The following WDR74 variants were observed in gnomAD, a reference collection of about 807,000 sequenced individuals.
The protein encoded by WDR74 is WD repeat domain 74, also known as WD repeat-containing protein 74.
Under a neutral mutation model 45.6 loss-of-function variants are expected in WDR74, and 31 were observed. The observed-to-expected ratio is 0.68, with a 90% CI of 0.51 to 0.92. WDR74 has a LOEUF of 0.92. WDR74 is among the 40% of genes least tolerant of loss of function. The probability of loss-of-function intolerance (pLI) is 0.00; values close to 1 mark genes in which losing one functional copy is unlikely to be tolerated. For synonymous variants in WDR74, 191 were observed against 192.4 expected (o/e 0.99, Z 0.06); for missense variants, 455 against 497.2 (o/e 0.92, Z 0.81).
At chr11:62,839,679 A>G, upstream of WDR74, 3 of 1,338,220 alleles carry the variant, frequency 2.2e-6, no homozygotes, top group Non-Finnish European at 3.0e-6. Flanking sequence ...TGAAGAGCCG[A>G]AACAGTAAAG....
chr11:62,839,655 A>G, upstream of WDR74: 1 of 1,482,438 alleles, frequency 6.7e-7, no homozygotes, highest in East Asian at 2.3e-5. Flanking sequence ...AGCGCAGTGT[A>G]GTTGCTGGAA....
upstream of WDR74, among the ~76,000 whole-genome samples, chr11:62,841,222 C>T (rs1220865837): frequency 6.6e-6 from 1 of 152,150 alleles, no homozygotes; most frequent in Non-Finnish European, 1.5e-5. Flanking sequence ...GAGGCTGATG[C>T]AGGAGAATCG....
At chr11:62,839,451 A>C in intron 1 of WDR74, 23 bp from the exon 2 acceptor site, 1 of 1,613,418 alleles carries the variant, frequency 6.2e-7, no homozygotes, top group Non-Finnish European at 8.5e-7. Context: ...GGCGTCAGTC[A>C]CGCCAGGGGC....
At chr11:62,835,872 C>T (rs2084951883) in intron 4 of WDR74, 31 bp from the exon 5 acceptor site, 2 of 1,597,990 alleles carry the variant, frequency 1.3e-6, no homozygotes, top group South Asian at 2.3e-5. Flanking sequence ...GAGTCCGTTC[C>T]AGAGTCCTTA....
intron 10 of WDR74, among the ~76,000 whole-genome samples, chr11:62,833,394 G>A (rs762160881): frequency 5.9e-5 from 9 of 151,432 alleles, no homozygotes; most frequent in Non-Finnish European, 1.2e-4. Flanking sequence ...ATCCCTCTGG[G>A]TACCACCACC....
In WDR74 at chr11:62,835,532, C is replaced by G; in HGVS notation, c.517G>C (p.Val173Leu). ...CGCAAGTCCAGCCAGTCATTCCGCACCTGGTGGGGTGGGCAGATGGAGGAC... is the reference window on the plus strand; with the variant it reads ...CGCAAGTCCAGCCAGTCATTCCGCAGCTGGTGGGGTGGGCAGATGGAGGAC... The part of the protein sequence containing the change: ...SEEPVFRAKN[V>L]RNDWLDLRVP... The change falls in exon 6 of 11, where the codon GTG (valine) becomes CTG (leucine). Residue 173 changes from valine to leucine, a missense_variant and splice_region_variant. Transcript: ENST00000278856. The G allele has an allele frequency of 6.2e-7, 1 of 1,613,920 alleles. No individual in the cohort carries two copies. Among genetic ancestry groups the G allele is most frequent in the Non-Finnish European group, 8.5e-7 (1 of 1,179,840 alleles).
Position 62,835,493 on chromosome 11 carries a change from C to A in WDR74, c.556G>T (p.Asp186Tyr). The change falls in exon 6 of 11, where the codon GAC (aspartate) becomes TAC (tyrosine). Residue 186 changes from aspartate (D) to tyrosine (Y), a missense_variant. Physicochemically the swap from Asp to Tyr is radical, Grantham distance 160. Coordinates refer to ENST00000278856, the MANE Select transcript of WDR74 (RefSeq NM_001369450.1). ...CCTGGGAGAAACTGTATGTCCTGGTCCCAGATGGGAACCCGCAAGTCCAGC... is the reference window on the plus strand; with the variant it reads ...CCTGGGAGAAACTGTATGTCCTGGTACCAGATGGGAACCCGCAAGTCCAGC... Reference protein sequence around the residue: ...DWLDLRVPIWDQDIQFLPGSQ... With the variant: ...DWLDLRVPIWYQDIQFLPGSQ... 6.2e-7 allele frequency: 1 copy of A among 1,613,932 alleles called. No individual in the cohort carries two copies.
chr11:62,834,496 C>T lies in WDR74; in HGVS notation c.650G>A (p.Arg217His), dbSNP rs200001030. Residue 217 changes from arginine to histidine, a missense_variant, in exon 7 of 11, where the codon CGC (arginine) becomes CAC (histidine). Coordinates refer to ENST00000278856, the MANE Select transcript of WDR74 (RefSeq NM_001369450.1). ...ATAGGTGGTCTCTAGGACTGGCCGG[C>T]GCTGGGGGGATGCTGGATCATAAAC... Reference protein sequence around the residue: ...VRVYDPASPQRRPVLETTYGE... With the variant: ...VRVYDPASPQHRPVLETTYGE... 3.1e-5 allele frequency: 50 copies of T among 1,609,574 alleles called. No individual in the cohort carries two copies. In the East Asian group the frequency reaches 9.4e-4, roughly 30 times the overall value.
Position 62,839,235 on chromosome 11 carries a change from T to C in WDR74, c.172A>G (p.Met58Val), listed in dbSNP as rs199550021. ...LCWGTGGETQ[M>V]LVGCADRTVK... ...GTCCTGTCCGCGCAGCCCACCAGCA[T>C]CTGCGGCAAAGAAGGGCAAGATGGC... The change falls in exon 3 of 11, where the codon ATG becomes GTG. Residue 58 changes from methionine (M) to valine (V), a missense_variant and splice_region_variant. Met to Val is a conservative substitution (Grantham distance 21, BLOSUM62 1). Transcript: ENST00000278856. 1,002 of 1,613,508 alleles carry C rather than the reference T, an allele frequency of 6.2e-4. 5 individuals are homozygous for C. The African/African-American group carries it at 0.012, about 20-fold the overall frequency.
At position 62,834,415 on chromosome 11, in the gene WDR74, C is replaced by G. The variant is rs1590985425; in HGVS notation, c.719+12G>C. ...GCCCCACCCTCCCACCCCTTCCCCT[C>G]TAAACACTCACTTGCCTCCCGGAGT... On this transcript the variant is annotated intron_variant, in intron 7 of 10. Coordinates refer to ENST00000278856, the MANE Select transcript of WDR74 (RefSeq NM_001369450.1). The G allele has an allele frequency of 6.2e-7, 1 of 1,608,466 alleles. No homozygotes were observed. Among genetic ancestry groups the G allele is most frequent in the East Asian group, 2.2e-5 (1 of 44,744 alleles).
chr11:62,841,565 G>T (rs114912892), upstream of WDR74: 6 of 152,112 alleles, frequency 3.9e-5, no homozygotes, highest in Non-Finnish European at 7.4e-5. Flanking sequence ...TATTTAGCTT[G>T]TACCCTAACT....
At chr11:62,836,560 C>CT (rs1278093641) in intron 3 of WDR74, 1 of 162,632 alleles carries the variant, frequency 6.1e-6, no homozygotes, top group Non-Finnish European at 1.4e-5. Flanking sequence ...CAGTCTCTTG[C>CT]TTAAAATATC....
chr11:62,833,296 TAAA>T (rs1048706100), intron 10 of WDR74, among the ~76,000 whole-genome samples, 165 bp from the exon 11 acceptor site: 1 of 50,884 alleles, frequency 2.0e-5, no homozygotes, highest in African/African-American at 7.1e-5. Flanking sequence ...AAAAGAAGTT[TAAA>T]AAAAAAAAAA....
At chr11:62,839,682 C>CTTT, upstream of WDR74, 2 of 1,304,930 alleles carry the variant, frequency 1.5e-6, no homozygotes, top group Non-Finnish European at 2.1e-6. Context: ...AGAGCCGAAA[C>CTTT]AGTAAAGCTT....
upstream of WDR74, among the ~76,000 whole-genome samples, chr11:62,841,321 AAAAT>A (rs993526632): frequency 1.1e-4 from 16 of 152,152 alleles, no homozygotes; most frequent in Admixed American, 2.6e-4. Flanking sequence ...CGTCTCAAAA[AAAAT>A]AAATAAGAAA....
chr11:62,839,886 CAAACGATTTAAG>C (rs1005049479), upstream of WDR74: 32 of 337,266 alleles, frequency 9.5e-5, no homozygotes, highest in Middle Eastern at 5.6e-4. Flanking sequence ...CAAGAAACAA[CAAACGATTTAAG>C]AAACGATTTA....
intron 6 of WDR74, 175 bp downstream of exon 6, chr11:62,835,256 C>A: frequency 1.6e-6 from 1 of 614,780 alleles, no homozygotes; most frequent in Non-Finnish European, 2.9e-6. Flanking sequence ...AAACTCCACC[C>A]TAGAATACAG....
chr11:62,834,564 C>A lies in WDR74; in HGVS notation c.619-37G>T, dbSNP rs114398263. 1,847 of 1,566,574 alleles carry A rather than the reference C, an allele frequency of 1.2e-3. 23 individuals carry two copies. In the African/African-American group the frequency reaches 0.023, roughly 19 times the overall value. ...CTGAAGCATCACAAAAGTATCCTCA[C>A]CCTGCACCTACCCTCTGGCGTCTCT... On this transcript the variant is annotated intron_variant, in intron 6 of 10. Transcript: ENST00000278856.
At chr11:62,839,038 G>A in intron 3 of WDR74, 76 bp downstream of exon 3, 1 of 1,581,584 alleles carries the variant, frequency 6.3e-7, no homozygotes, top group Non-Finnish European at 8.6e-7. Flanking sequence ...TTTGCCTGTC[G>A]CCATCATTCC....
Sources: allele counts gnomAD v4.1 joint callset (sites outside exome capture counted in the v4.1 genomes callset), GRCh38; gene constraint gnomAD v4.1.1; transcripts MANE v1.5; gene names NCBI Gene and HGNC (gene_info 2026-07-23, HGNC 2026-07-21).